The following ZMYM1 variants were observed in gnomAD, a reference collection of about 807,000 sequenced individuals.
The protein encoded by ZMYM1 is zinc finger MYM-type protein 1.
Under a neutral mutation model 60.0 loss-of-function variants are expected in ZMYM1, and 39 were observed. The ratio of observed to expected loss-of-function variants is 0.65; its 90% CI spans 0.50 to 0.85. ZMYM1 has a LOEUF of 0.85. ZMYM1 is among the 40% of genes least tolerant of loss of function. The pLI, the probability that ZMYM1 is intolerant of heterozygous loss-of-function variation, is 0.00. For synonymous variants in ZMYM1, 413 were observed against 454.0 expected, an observed-to-expected ratio of 0.91 and a Z score of 1.15; for missense variants, 1,171 against 1,309.5, an observed-to-expected ratio of 0.89 and a Z score of 1.63.
At position 35,113,697 on chromosome 1, in the gene ZMYM1, G is replaced by T; in HGVS notation, c.1867G>T (p.Glu623Ter). The change falls in exon 10 of 10, where the codon GAA becomes TAA. Residue 623 changes from glutamate (E) to a stop codon, truncating the protein, a stop_gained. Transcript: ENST00000359858. LOFTEE classifies it high-confidence loss of function. The part of the protein sequence containing the change: ...NSTQIQSDII[E>*]IIKTEMLQDI... ...TACACAAATTCAAAGTGATATTATC[G>T]AAATAATAAAGACTGAAATGTTGCA... The T allele has an allele frequency of 6.2e-7, 1 of 1,613,484 alleles. No individual in the cohort carries two copies. Among genetic ancestry groups the T allele is most frequent in the Non-Finnish European group, 8.5e-7 (1 of 1,179,766 alleles).
intron 1 of ZMYM1, among the ~76,000 whole-genome samples, chr1:35,073,347 A>AAGGAAGGT (rs1642106021): frequency 6.9e-6 from 1 of 144,390 alleles, no homozygotes; most frequent in African/African-American, 2.5e-5. Context: ...GAAAGGAAGG[A>AAGGAAGGT]AGGAAGGAAG....
upstream of ZMYM1, chr1:35,078,851 G>C (rs1642226769): frequency 6.6e-6 from 1 of 151,930 alleles, no homozygotes; most frequent in Non-Finnish European, 1.5e-5. Flanking sequence ...ACCCAGCCTG[G>C]GGTCATTTTA....
chr1:35,083,349 A>C (rs1343795905), intron 1 of ZMYM1, among the ~76,000 whole-genome samples: 2 of 151,938 alleles, frequency 1.3e-5, no homozygotes, highest in African/African-American at 4.8e-5. Context: ...TGGGGGTCTC[A>C]CTATGCTGCC....
downstream of ZMYM1, among the ~76,000 whole-genome samples, chr1:35,116,634 T>C (rs1432448652): frequency 6.6e-6 from 1 of 151,536 alleles, no homozygotes; most frequent in Non-Finnish European, 1.5e-5. Context: ...ATTTTTGTAT[T>C]TTTAGTAGAG....
At position 35,113,951 on chromosome 1, in the gene ZMYM1, T is replaced by A; in HGVS notation, c.2121T>A (p.Asp707Glu). ...CTTATCTGCAGCAAATTGGAGTTGA[T>A]ATGGATAAAATACATGGCCAGGCCT... ...IKTYLQQIGVDMDKIHGQAYD... is the reference protein window; with the variant it reads ...IKTYLQQIGVEMDKIHGQAYD... Residue 707 changes from aspartate to glutamate, a missense_variant, in exon 10 of 10, where the codon GAT (aspartate) becomes GAA (glutamate). Transcript: ENST00000359858. 1 of 1,613,922 alleles carries A rather than the reference T, an allele frequency of 6.2e-7. No homozygotes were observed. The highest frequency in any genetic ancestry group is 1.3e-5 in the African/African-American group (1 of 75,038).
At chr1:35,077,168 C>T (rs1642182532), upstream of ZMYM1, among the ~76,000 whole-genome samples, 1 of 152,012 alleles carries the variant, frequency 6.6e-6, no homozygotes, top group Admixed American at 6.6e-5. Flanking sequence ...AATTATCACA[C>T]ATCCTTACAA....
intron 4 of ZMYM1, among the ~76,000 whole-genome samples, chr1:35,103,268 C>A (rs1643750005): frequency 6.6e-6 from 1 of 152,104 alleles, no homozygotes; most frequent in African/African-American, 2.4e-5. Flanking sequence ...ATTTCCCTCT[C>A]CCCCCAGTGC....
chr1:35,094,178 A>C, intron 2 of ZMYM1, 95 bp downstream of exon 2: 1 of 997,706 alleles, frequency 1.0e-6, no homozygotes, highest in Non-Finnish European at 1.5e-6. Context: ...GAAAAACTCA[A>C]ATCCTTATCT....
chr1:35,112,541 A>T (rs1644125299), intron 9 of ZMYM1, among the ~76,000 whole-genome samples: 1 of 125,612 alleles, frequency 8.0e-6, no homozygotes, highest in Admixed American at 9.3e-5. Context: ...ATATAATATA[A>T]ATATATTATA....
chr1:35,063,371 G>A (rs900518928), intron 1 of ZMYM1, among the ~76,000 whole-genome samples: 2 of 152,074 alleles, frequency 1.3e-5, no homozygotes, highest in African/African-American at 2.4e-5. Flanking sequence ...GCAGTGGCAT[G>A]ATCCTGGCTC....
chr1:35,088,707 G>A (rs2148503293), intron 1 of ZMYM1, among the ~76,000 whole-genome samples: 1 of 150,754 alleles, frequency 6.6e-6, no homozygotes, highest in Non-Finnish European at 1.5e-5. Flanking sequence ...GGAAAAGGAA[G>A]TAATGGATCT....
At chr1:35,116,989 G>C (rs1446692598), downstream of ZMYM1, among the ~76,000 whole-genome samples, 1 of 150,172 alleles carries the variant, frequency 6.7e-6, no homozygotes, top group African/African-American at 2.4e-5. Context: ...GACTACAGGC[G>C]CCCGCCACTG....
At chr1:35,111,536 C>T (rs748597767) in intron 7 of ZMYM1, among the ~76,000 whole-genome samples, 5 of 151,998 alleles carry the variant, frequency 3.3e-5, no homozygotes, top group Non-Finnish European at 7.4e-5. Flanking sequence ...AAATTGTGTA[C>T]AAAGGTAAAA....
intron 1 of ZMYM1, among the ~76,000 whole-genome samples, chr1:35,061,180 A>T (rs1641867938): frequency 6.6e-6 from 1 of 152,232 alleles, no homozygotes; most frequent in East Asian, 1.9e-4. Context: ...AGGCTCTGGG[A>T]CACTAGAAAG....
chr1:35,097,189 C>A, intron 3 of ZMYM1, 128 bp from the exon 4 acceptor site: 1 of 1,039,286 alleles, frequency 9.6e-7, no homozygotes, highest in Non-Finnish European at 1.4e-6. Context: ...CACTACACTG[C>A]CTAGAGTGCA....
At chr1:35,087,707 C>T (rs6691186) in intron 1 of ZMYM1, among the ~76,000 whole-genome samples, 2,232 of 152,094 alleles carry the variant, frequency 0.015, 51 homozygotes, top group African/African-American at 0.049. Context: ...GGATTACAGG[C>T]GTGAGCCACC....
intron 1 of ZMYM1, among the ~76,000 whole-genome samples, chr1:35,073,094 A>T (rs1642096718): frequency 6.6e-6 from 1 of 151,368 alleles, no homozygotes; most frequent in South Asian, 2.1e-4. Context: ...AAAAAAAAAT[A>T]CAAAAAATAC....
chr1:35,102,939 T>C (rs940211567), intron 4 of ZMYM1, among the ~76,000 whole-genome samples: 2 of 152,228 alleles, frequency 1.3e-5, no homozygotes, highest in Non-Finnish European at 2.9e-5. Flanking sequence ...TTTTGCTGTT[T>C]CATTGAGTAC....
At chr1:35,117,169 C>T (rs1644258490), downstream of ZMYM1, among the ~76,000 whole-genome samples, 1 of 147,478 alleles carries the variant, frequency 6.8e-6, no homozygotes. Context: ...TGGCACTTTT[C>T]TCCAGCTGTT....
Sources: gnomAD v4.1 joint callset for allele counts (sites outside exome capture counted in the v4.1 genomes callset) on GRCh38, gnomAD v4.1.1 for gene constraint, MANE v1.5 for transcripts, NCBI Gene and HGNC (gene_info 2026-07-23, HGNC 2026-07-21) for gene names.